Variants in PTPN2 observed in about 807,000 individuals in gnomAD.
PTPN2 encodes the protein tyrosine-protein phosphatase non-receptor type 2.
Under a neutral mutation model 57.3 loss-of-function variants are expected in PTPN2, and 19 were observed. That is an observed-to-expected ratio of 0.33 (90% CI 0.23 to 0.49). The LOEUF (loss-of-function observed/expected upper bound fraction) is 0.49. Among genes scored for constraint, PTPN2 ranks in the 20% least tolerant of loss-of-function variants. The pLI is 0.99. For synonymous variants in PTPN2, 153 were observed against 164.9 expected, an observed-to-expected ratio of 0.93 and a Z score of 0.55; for missense variants, 358 against 501.1, an observed-to-expected ratio of 0.71 and a Z score of 2.73.
At chr18:12,875,172 G>GAAGGC (rs1199696305) in intron 1 of PTPN2, among the ~76,000 whole-genome samples, 1 of 152,142 alleles carries the variant, frequency 6.6e-6, no homozygotes, top group African/African-American at 2.4e-5. Flanking sequence ...AAACACTGCG[G>GAAGGC]AAGGCCTCAG....
chr18:12,859,643 G>A (rs1453428527), intron 1 of PTPN2, among the ~76,000 whole-genome samples: 6 of 152,202 alleles, frequency 3.9e-5, no homozygotes, highest in African/African-American at 1.4e-4. Context: ...TAATGCAATG[G>A]AGGTATCTAT....
intron 4 of PTPN2, among the ~76,000 whole-genome samples, chr18:12,829,491 G>A (rs1355316047): frequency 1.6e-5 from 2 of 122,336 alleles, no homozygotes; most frequent in Non-Finnish European, 3.3e-5. Context: ...GGCAACAGGC[G>A]AGACTCTGTC....
rs374559958 is a variant in PTPN2, at chr18:12,794,319, A to G, written c.1207T>C (p.Phe403Leu). The G allele has an allele frequency of 6.2e-7, 1 of 1,614,214 alleles. No individual in the cohort carries two copies. Among genetic ancestry groups the G allele is most frequent in the African/African-American group, 1.3e-5 (1 of 75,056 alleles). Reference sequence around the variant, plus strand: ...TGAAAAAACAGTGTCCAGCCAACAAAAGCGCCAACCAAAATGACTGACATA... The same window carrying G: ...TGAAAAAACAGTGTCCAGCCAACAAGAGCGCCAACCAAAATGACTGACATA... ...GFMSVILVGA[F>L]VGWTLFFQQN... The change falls in exon 9 of 9, where the codon TTT becomes CTT. Residue 403 changes from phenylalanine (F) to leucine (L), a missense_variant. Around this residue, in one of 4 missense-constraint regions of PTPN2, gnomAD observed 96 missense variants for 110.8 expected, o/e 0.87. Transcript: ENST00000309660.
intron 2 of PTPN2, among the ~76,000 whole-genome samples, chr18:12,856,750 T>A (rs888400608): frequency 6.6e-6 from 1 of 152,146 alleles, no homozygotes; most frequent in East Asian, 1.9e-4. Context: ...AAATAAAACA[T>A]CTCAATTCCA....
chr18:12,831,995 T>C (rs1252095078), intron 3 of PTPN2, among the ~76,000 whole-genome samples: 2 of 152,202 alleles, frequency 1.3e-5, no homozygotes. Flanking sequence ...ACTATGAACA[T>C]GCATTCAACT....
chr18:12,856,139 C>T (rs1007138958), intron 2 of PTPN2, among the ~76,000 whole-genome samples: 1 of 152,184 alleles, frequency 6.6e-6, no homozygotes, highest in Non-Finnish European at 1.5e-5. Flanking sequence ...GTAGTTCTTT[C>T]CCAGAGACAT....
Position 12,875,560 on chromosome 18 carries a change from T to C in PTPN2, c.69+8513A>G, listed in dbSNP as rs573666314. The stretch of plus-strand genomic sequence containing the variant: ...AGTTGGTTTAAATATCCTCTGACTC[T>C]CAACAGCTTTCCATTAAGAAAAAAC... On this transcript the variant is annotated intron_variant, in intron 1 of 8. Transcript: ENST00000309660. Among the ~76,000 whole-genome samples the C allele has an allele frequency of 2.6e-5, 4 of 152,332 alleles. 1 individual carries two copies. Among genetic ancestry groups the C allele is most frequent in the African/African-American group, 9.6e-5 (4 of 41,582 alleles).
intron 3 of PTPN2, among the ~76,000 whole-genome samples, chr18:12,834,989 T>C (rs1008721366): frequency 2.6e-5 from 4 of 152,088 alleles, no homozygotes; most frequent in Non-Finnish European, 1.5e-5. Flanking sequence ...CTGGTGGCCC[T>C]GTAGAACCTG....
chr18:12,850,167 G>T (rs1056851247), intron 2 of PTPN2, among the ~76,000 whole-genome samples: 6 of 151,760 alleles, frequency 4.0e-5, no homozygotes, highest in African/African-American at 1.5e-4. Context: ...TCTAAATTAG[G>T]TTAGACAGCA....
At chr18:12,797,428 G>C (rs2041234397) in intron 8 of PTPN2, among the ~76,000 whole-genome samples, 1 of 152,036 alleles carries the variant, frequency 6.6e-6, no homozygotes, top group Non-Finnish European at 1.5e-5. Flanking sequence ...AAAAGGTTTT[G>C]TACTATATTT....
chr18:12,877,673 G>C (rs1311044068), intron 1 of PTPN2, among the ~76,000 whole-genome samples: 3 of 152,156 alleles, frequency 2.0e-5, no homozygotes. Context: ...CTCACAAATG[G>C]TAAAAATTGT....
At chr18:12,873,462 A>AT (rs1316175218) in intron 1 of PTPN2, among the ~76,000 whole-genome samples, 1 of 151,952 alleles carries the variant, frequency 6.6e-6, no homozygotes, top group Non-Finnish European at 1.5e-5. Context: ...TGGTTTTCGT[A>AT]TTTTTTTGGG....
At chr18:12,841,471 A>G (rs1055998457) in intron 2 of PTPN2, among the ~76,000 whole-genome samples, 1 of 152,252 alleles carries the variant, frequency 6.6e-6, no homozygotes, top group Non-Finnish European at 1.5e-5. Context: ...AATACACTGA[A>G]AGCGTAATCA....
intron 3 of PTPN2, among the ~76,000 whole-genome samples, chr18:12,835,676 G>T (rs563406468): frequency 6.6e-6 from 1 of 151,928 alleles, no homozygotes. Context: ...GCGCCTGGCC[G>T]ATCACATATA....
chr18:12,794,617 G>T, intron 8 of PTPN2, 132 bp from the exon 9 acceptor site: 1 of 1,126,002 alleles, frequency 8.9e-7, no homozygotes, highest in South Asian at 1.6e-5. Context: ...GAATAATGAG[G>T]GGAAAAGCCT....
intron 2 of PTPN2, among the ~76,000 whole-genome samples, chr18:12,855,346 GAGA>G (rs748646584): frequency 3.3e-5 from 5 of 152,070 alleles, no homozygotes; most frequent in South Asian, 2.1e-4. Flanking sequence ...TTATACAAAA[GAGA>G]AGAAGTTATG....
At chr18:12,833,911 AG>A (rs2042757841) in intron 3 of PTPN2, among the ~76,000 whole-genome samples, 1 of 152,250 alleles carries the variant, frequency 6.6e-6, no homozygotes, top group African/African-American at 2.4e-5. Flanking sequence ...TATCCAATAG[AG>A]ACCTGAAAAA....
intron 7 of PTPN2, among the ~76,000 whole-genome samples, chr18:12,808,690 A>G (rs911396902): frequency 2.0e-5 from 3 of 152,252 alleles, no homozygotes; most frequent in African/African-American, 7.2e-5. Flanking sequence ...CTGAGGTAGG[A>G]GAATCACTTG....
At chr18:12,869,891 A>G (rs971476004) in intron 1 of PTPN2, among the ~76,000 whole-genome samples, 1 of 152,204 alleles carries the variant, frequency 6.6e-6, no homozygotes. Flanking sequence ...AGATGCTCAG[A>G]AAAGGACACA....
Sources: gnomAD v4.1 joint callset for allele counts (sites outside exome capture counted in the v4.1 genomes callset) on GRCh38, gnomAD v4.1.1 for gene constraint, gnomAD v4.1.1 regional missense constraint, MANE v1.5 for transcripts, NCBI Gene and HGNC (gene_info 2026-07-23, HGNC 2026-07-21) for gene names.